The following DGKI variants were observed in gnomAD, a reference collection of about 807,000 sequenced individuals.
DGKI encodes the protein diacylglycerol kinase iota.
In DGKI, 55 loss-of-function variants were observed where a neutral mutation model predicts 147.5. The ratio of observed to expected loss-of-function variants is 0.37; its 90% confidence interval spans 0.30 to 0.47. DGKI has a LOEUF of 0.47. Among genes scored for constraint, DGKI ranks in the 20% least tolerant of loss-of-function variants. The probability of loss-of-function intolerance (pLI) is 1.00; values close to 1 mark genes in which losing one functional copy is unlikely to be tolerated. For missense variants in DGKI, 1,007 were observed against 1,323.8 expected, an observed-to-expected ratio of 0.76 and a Z score of 3.71; for synonymous variants, 469 against 477.1, an observed-to-expected ratio of 0.98 and a Z score of 0.22.
chr7:137,702,674 C>T (rs755181947), intron 1 of DGKI, among the ~76,000 whole-genome samples: 43 of 152,300 alleles, frequency 2.8e-4, no homozygotes, highest in Non-Finnish European at 4.9e-4. Context: ...CCAGTAAAAA[C>T]CAGCAGCCTA....
chr7:137,439,130 C>T (rs907077317), intron 28 of DGKI, among the ~76,000 whole-genome samples: 1 of 152,048 alleles, frequency 6.6e-6, no homozygotes, highest in Non-Finnish European at 1.5e-5. Context: ...CACAGTAGTT[C>T]GTTTTGCTTA....
intron 21 of DGKI, among the ~76,000 whole-genome samples, chr7:137,513,626 T>C (rs1816652051): frequency 6.6e-6 from 1 of 152,188 alleles, no homozygotes; most frequent in Admixed American, 6.5e-5. Flanking sequence ...TAGAGTGTAC[T>C]TAACACAAAC....
chr7:137,808,538 G>T (rs1288260645), intron 1 of DGKI, among the ~76,000 whole-genome samples: 1 of 152,152 alleles, frequency 6.6e-6, no homozygotes, highest in East Asian at 1.9e-4. Flanking sequence ...TCTGGCAGAA[G>T]ATTACAGAAC....
intron 28 of DGKI, among the ~76,000 whole-genome samples, chr7:137,415,419 A>C (rs577508836): frequency 1.3e-5 from 2 of 152,308 alleles, no homozygotes; most frequent in South Asian, 4.1e-4. Flanking sequence ...CTATATGCAA[A>C]TACTGAGCTA....
At chr7:137,460,062 T>C (rs1183188881) in intron 27 of DGKI, among the ~76,000 whole-genome samples, 1 of 152,184 alleles carries the variant, frequency 6.6e-6, no homozygotes, top group Non-Finnish European at 1.5e-5. Context: ...TCTGTTTATA[T>C]AGTGAGTTAT....
chr7:137,395,696 C>T lies in DGKI; in HGVS notation c.2959G>A (p.Gly987Ser), dbSNP rs772316730. Residue 987 changes from glycine to serine, a missense_variant and splice_region_variant, in exon 32 of 33, where the codon GGT becomes AGT. Gly to Ser is a moderately conservative substitution (Grantham distance 56). This residue lies in a region of DGKI where 385 missense variants were observed against 445.2 expected (regional missense o/e 0.86). Coordinates refer to ENST00000614521, the MANE Select transcript of DGKI (RefSeq NM_001321708.2). ...ELLDMADSET[G>S]ETALHKAACQ... is the part of the protein sequence containing the mutation. ...GCAGCCTTGTGCAGTGCAGTCTCAC[C>T]CCTAAATCAAAGATGAAATGGGAAA... The T allele has an allele frequency of 1.2e-6, 2 of 1,613,406 alleles. No homozygotes were observed. Among genetic ancestry groups the T allele is most frequent in the East Asian group, 2.2e-5 (1 of 44,832 alleles).
chr7:137,622,408 T>C lies in DGKI; in HGVS notation c.876+1075A>G, dbSNP rs555809790. ...CACAGCCTTTTCTTTGCAGGTCCCC[T>C]GTGCAATGAAGGGGTTATATATTCC... is the stretch of plus-strand genomic sequence containing the variant. On this transcript the variant is annotated intron_variant, in intron 7 of 32. Transcript: ENST00000614521. Among the ~76,000 whole-genome samples the C allele has an allele frequency of 1.6e-4, 25 of 152,298 alleles. No individual in the cohort carries two copies. The East Asian group carries it at 4.4e-3, about 27-fold the overall frequency.
chr7:137,702,735 C>T (rs4732263), intron 1 of DGKI, among the ~76,000 whole-genome samples: 49,545 of 151,954 alleles, frequency 0.33, 8,871 homozygotes, highest in South Asian at 0.49. Context: ...AAAAACTATG[C>T]TCAGACAACT....
chr7:137,671,533 G>A (rs2116351310), intron 3 of DGKI, among the ~76,000 whole-genome samples: 1 of 152,352 alleles, frequency 6.6e-6, no homozygotes, highest in Non-Finnish European at 1.5e-5. Flanking sequence ...TACAGAAGAG[G>A]AGGAAAATGA....
At chr7:137,622,547 G>A (rs902388875) in intron 7 of DGKI, among the ~76,000 whole-genome samples, 3 of 152,110 alleles carry the variant, frequency 2.0e-5, no homozygotes, top group African/African-American at 7.2e-5. Flanking sequence ...CACCTCTGTT[G>A]CAATTACTCA....
In DGKI at chr7:137,846,224, G is replaced by T. The variant is rs1462170626; in HGVS notation, c.401+238C>A. On this transcript the variant is annotated intron_variant, in intron 1 of 32. Coordinates refer to ENST00000614521, the MANE Select transcript of DGKI (RefSeq NM_001321708.2). This position sits in a 1 kb window ranked among gnomAD's most constrained non-coding sequence, Gnocchi z 4.0. ...ACACAGACAAAATTTCTGTTGCTCT[G>T]ACCTTAGGGACCCAGTGCTTCTCTC... 7.2e-6 allele frequency among the ~76,000 whole-genome samples: 1 copy of T among 138,434 alleles called. No individual in the cohort carries two copies. The highest frequency in any genetic ancestry group is 1.5e-5 in the Non-Finnish European group (1 of 65,570). 90.8% of individuals were successfully genotyped at this position (138,434 alleles called of 152,430 possible).
intron 27 of DGKI, among the ~76,000 whole-genome samples, chr7:137,457,879 A>C (rs1814267887): frequency 6.6e-6 from 1 of 152,080 alleles, no homozygotes; most frequent in Admixed American, 6.6e-5. Context: ...CATTTTCGTT[A>C]ATTCTTTAAA....
intron 1 of DGKI, among the ~76,000 whole-genome samples, chr7:137,764,669 G>C (rs1175686973): frequency 2.0e-5 from 3 of 152,188 alleles, no homozygotes; most frequent in Non-Finnish European, 2.9e-5. Flanking sequence ...ACCTGCAACA[G>C]CCCTAGTTGG....
At chr7:137,673,784 T>C (rs926657613) in intron 3 of DGKI, among the ~76,000 whole-genome samples, 1 of 152,170 alleles carries the variant, frequency 6.6e-6, no homozygotes, top group East Asian at 1.9e-4. Flanking sequence ...AGGTGCACGA[T>C]GGTATGGACT....
chr7:137,747,295 C>T (rs769621291), intron 1 of DGKI, among the ~76,000 whole-genome samples: 66 of 152,216 alleles, frequency 4.3e-4, no homozygotes, highest in Non-Finnish European at 5.3e-4. Context: ...ACTAGATCTG[C>T]ACAACAAAAT....
intron 1 of DGKI, among the ~76,000 whole-genome samples, chr7:137,753,848 C>T (rs1438074077): frequency 2.6e-5 from 4 of 152,056 alleles, no homozygotes; most frequent in African/African-American, 7.2e-5. Flanking sequence ...GTAAATGCCA[C>T]CAGCTCCTAC....
chr7:137,638,552 G>T (rs1272316845), intron 6 of DGKI, among the ~76,000 whole-genome samples: 2 of 86,798 alleles, frequency 2.3e-5, no homozygotes, highest in African/African-American at 9.9e-5. Context: ...ATATATATGT[G>T]TGTATATATA....
rs1362518492 is a variant in DGKI, at chr7:137,758,543, G to A, written c.402-68541C>T. 6.6e-5 allele frequency among the ~76,000 whole-genome samples: 10 copies of A among 151,876 alleles called. No individual in the cohort carries two copies. In the South Asian group the frequency reaches 1.7e-3, roughly 25 times the overall value. On this transcript the variant is annotated intron_variant, in intron 1 of 32. Coordinates refer to ENST00000614521, the MANE Select transcript of DGKI (RefSeq NM_001321708.2). ...TCTACTAAAAATATAAAAATTAGCC[G>A]GGCATGATGGTGAGTGCCTGTAATC...
chr7:137,392,023 A>G (rs1218186065), intron 32 of DGKI, among the ~76,000 whole-genome samples: 4 of 152,182 alleles, frequency 2.6e-5, no homozygotes, highest in African/African-American at 7.2e-5. Flanking sequence ...CCTTCCATTG[A>G]TAACTAGATT....
Sources: gnomAD v4.1 joint callset for allele counts (sites outside exome capture counted in the v4.1 genomes callset) on GRCh38, gnomAD v4.1.1 for gene constraint, gnomAD v4.1.1 regional missense constraint, Gnocchi (gnomAD v3.1) non-coding constraint, MANE v1.5 for transcripts, NCBI Gene and HGNC (gene_info 2026-07-23, HGNC 2026-07-21) for gene names.